Variants in FDFT1 observed in about 807,000 individuals in gnomAD.
FDFT1 encodes the protein squalene synthase.
In FDFT1, 68 loss-of-function variants were observed where a neutral mutation model predicts 46.8. The ratio of observed to expected loss-of-function variants is 1.45; its 90% CI spans 1.19 to 1.78. The LOEUF is 1.78. Ranked by LOEUF, FDFT1 falls within the 40% of genes most tolerant of loss-of-function variation. The pLI is 0.00. For synonymous variants in FDFT1, 351 were observed against 185.1 expected, an observed-to-expected ratio of 1.90 and a Z score of -7.28; for missense variants, 928 against 524.4, an observed-to-expected ratio of 1.77 and a Z score of -7.52.
intron 2 of FDFT1, 163 bp downstream of exon 2, chr8:11,809,054 C>T (rs1401559912): frequency 2.2e-6 from 3 of 1,341,654 alleles, no homozygotes; most frequent in African/African-American, 1.5e-5. Context: ...GAAAGCCCTT[C>T]CAGGCTCTTT....
chr8:11,809,169 C>T, intron 2 of FDFT1: 3 of 1,279,874 alleles, frequency 2.3e-6, no homozygotes, highest in Non-Finnish European at 3.0e-6. Context: ...TGCCTGTGAG[C>T]AGGTCGTGTA....
At position 11,802,919 on chromosome 8, in the gene FDFT1, C is replaced by G. The variant is rs914450824; in HGVS notation, c.87C>G (p.Pro29=). The part of the protein sequence containing the change: ...FRIGGKRKVM[P]KMDQDSLSSS... ...TCGGGGGCAAGCGGAAGGTGATGCC[C>G]AAGATGGACCAGGTGGGCCGAGCCT... Residue 29 remains proline (P), a synonymous_variant, in exon 1 of 8, where the codon CCC becomes CCG. Transcript: ENST00000220584. The G allele has an allele frequency of 5.6e-6, 9 of 1,608,462 alleles. No individual in the cohort carries two copies. The highest frequency in any genetic ancestry group is 1.3e-5 in the African/African-American group (1 of 74,728).
At chr8:11,837,257 G>T (rs1284577090) in intron 7 of FDFT1, among the ~76,000 whole-genome samples, 1 of 152,192 alleles carries the variant, frequency 6.6e-6, no homozygotes, top group Non-Finnish European at 1.5e-5. Context: ...TTGAGACAGG[G>T]TCTTGTTCTG....
chr8:11,829,106 C>T (rs1173171986), intron 5 of FDFT1, among the ~76,000 whole-genome samples: 1 of 152,080 alleles, frequency 6.6e-6, no homozygotes, highest in Admixed American at 6.6e-5. Context: ...CACCATTTTA[C>T]ATTCCCGTCA....
At chr8:11,819,359 G>C (rs1808906159) in intron 3 of FDFT1, among the ~76,000 whole-genome samples, 3 of 152,122 alleles carry the variant, frequency 2.0e-5, no homozygotes, top group Non-Finnish European at 4.4e-5. Context: ...TATCTTTGTG[G>C]TGTTCTCTGT....
rs754000785 is a variant in FDFT1 at position 11,821,858 on chromosome 8, T to G, written c.490T>G (p.Ser164Ala). The G allele has an allele frequency of 1.2e-6, 2 of 1,613,336 alleles. No individual in the cohort carries two copies. Among genetic ancestry groups the G allele is most frequent in the Non-Finnish European group, 1.7e-6 (2 of 1,179,438 alleles). ...MAEFLDKHVT[S>A]EQEWDKYCHY... ...AGAGTTTTTGGATAAGCATGTGACCTCTGAACAGGAGTGGGACAAGGTTAG... is the reference window on the plus strand; with the variant it reads ...AGAGTTTTTGGATAAGCATGTGACCGCTGAACAGGAGTGGGACAAGGTTAG... The change falls in exon 4 of 8, where the codon TCT (serine) becomes GCT (alanine). Residue 164 changes from serine to alanine, a missense_variant. By Grantham distance (99) the Ser-to-Ala change is moderately conservative (BLOSUM62 1). Transcript: ENST00000220584.
At chr8:11,821,315 G>C (rs553400180) in intron 3 of FDFT1, among the ~76,000 whole-genome samples, 1 of 152,166 alleles carries the variant, frequency 6.6e-6, no homozygotes, top group Admixed American at 6.5e-5. Context: ...ACATGAGGCC[G>C]GGCTCAGTGG....
chr8:11,818,595 G>C (rs1585925928), intron 3 of FDFT1, among the ~76,000 whole-genome samples: 1 of 152,194 alleles, frequency 6.6e-6, no homozygotes, highest in South Asian at 2.1e-4. Flanking sequence ...TTGTTGAATT[G>C]ATCCCTTTAC....
chr8:11,795,859 C>G (rs1467596987), exon 1 of FDFT1: 1 of 152,890 alleles, frequency 6.5e-6, no homozygotes, highest in Non-Finnish European at 1.5e-5. Context: ...GAAGAAACTC[C>G]GAACACATCT....
At chr8:11,806,196 C>T (rs747433069) in intron 1 of FDFT1, among the ~76,000 whole-genome samples, 3 of 152,098 alleles carry the variant, frequency 2.0e-5, no homozygotes, top group Non-Finnish European at 2.9e-5. Context: ...CCTCTAAATT[C>T]CCTCCATCCC....
chr8:11,808,397 C>T (rs898392252), intron 1 of FDFT1: 2 of 1,235,990 alleles, frequency 1.6e-6, no homozygotes, highest in Non-Finnish European at 2.0e-6. Flanking sequence ...CGGGGCGGGC[C>T]CGTTGTGGGT....
At chr8:11,831,784 C>T (rs1035053246) in intron 7 of FDFT1, 114 bp downstream of exon 7, 14 of 890,160 alleles carry the variant, frequency 1.6e-5, no homozygotes, top group African/African-American at 3.3e-5. Flanking sequence ...TATCCTGTGG[C>T]CTAAAGAGAC....
At chr8:11,807,810 G>A (rs1226313184) in intron 1 of FDFT1, 2 of 152,202 alleles carry the variant, frequency 1.3e-5, no homozygotes, top group Middle Eastern at 3.2e-3. Context: ...GGCTTAATAG[G>A]TGTCATAGAA....
intron 7 of FDFT1, among the ~76,000 whole-genome samples, chr8:11,832,465 ACATGAG>A (rs1218473737): frequency 8.4e-4 from 125 of 148,484 alleles, no homozygotes; most frequent in Non-Finnish European, 1.0e-4. Context: ...CAGGTGGATC[ACATGAG>A]CCTGAGAGGT....
intron 5 of FDFT1, among the ~76,000 whole-genome samples, chr8:11,828,738 C>T (rs1276008325): frequency 6.6e-6 from 1 of 152,336 alleles, no homozygotes; most frequent in African/African-American, 2.4e-5. Flanking sequence ...AGGTTCTGGA[C>T]ATTTCGTAGT....
chr8:11,831,017 T>C (rs1810703042), intron 6 of FDFT1, among the ~76,000 whole-genome samples: 1 of 152,228 alleles, frequency 6.6e-6, no homozygotes, highest in African/African-American at 2.4e-5. Context: ...TATCGCCGTC[T>C]TATGTTTCCA....
intron 1 of FDFT1, 198 bp from the exon 2 acceptor site, chr8:11,808,596 A>G (rs943904450): frequency 2.4e-5 from 33 of 1,388,874 alleles, no homozygotes; most frequent in Admixed American, 6.7e-5. Flanking sequence ...CGCGGCGCCC[A>G]GGGGCCCGGG....
At chr8:11,813,595 C>T (rs1186686123) in intron 3 of FDFT1, among the ~76,000 whole-genome samples, 1 of 152,312 alleles carries the variant, frequency 6.6e-6, no homozygotes, top group East Asian at 1.9e-4. Flanking sequence ...TGTGCTGAGT[C>T]ACTCGCATAC....
intron 4 of FDFT1, among the ~76,000 whole-genome samples, chr8:11,823,477 C>T (rs1327926670): frequency 6.6e-6 from 1 of 152,168 alleles, no homozygotes; most frequent in Non-Finnish European, 1.5e-5. Context: ...TCACTCTTTT[C>T]ATGTTACTTT....
Sources: gnomAD v4.1 joint callset for allele counts (sites outside exome capture counted in the v4.1 genomes callset) on GRCh38, gnomAD v4.1.1 for gene constraint, MANE v1.5 for transcripts, NCBI Gene and HGNC (gene_info 2026-07-23, HGNC 2026-07-21) for gene names.